The following NCKAP5 variants were observed in gnomAD, a reference collection of about 807,000 sequenced individuals.
NCKAP5 encodes nck-associated protein 5.
NCKAP5 carries 92 observed loss-of-function variants against 167.0 expected under a neutral mutation model. The observed-to-expected ratio is 0.55, with a 90% CI of 0.47 to 0.66. The LOEUF (loss-of-function observed/expected upper bound fraction) is 0.66. Ranked by LOEUF, NCKAP5 falls within the 30% of genes least tolerant of loss-of-function variation. The probability of loss-of-function intolerance (pLI) is 0.00; values close to 1 mark genes in which losing one functional copy is unlikely to be tolerated. For missense variants in NCKAP5, 2,378 were observed against 2,315.0 expected (o/e 1.03, Z -0.56); for synonymous variants, 891 against 877.4 (o/e 1.02, Z -0.27).
chr2:132,994,070 T>A, intron 7 of NCKAP5, 82 bp downstream of exon 7: 1 of 999,190 alleles, frequency 1.0e-6, no homozygotes, highest in Non-Finnish European at 1.4e-6. Flanking sequence ...TATTTATCTC[T>A]GGGTTAGAGA....
At chr2:133,520,998 G>A (rs1052270735) in intron 2 of NCKAP5, among the ~76,000 whole-genome samples, 39 of 152,256 alleles carry the variant, frequency 2.6e-4, no homozygotes, top group African/African-American at 9.1e-4. Flanking sequence ...ATCATGGAAA[G>A]GTTCAGAGTA....
intron 3 of NCKAP5, among the ~76,000 whole-genome samples, chr2:133,353,492 G>C (rs902419735): frequency 3.3e-5 from 5 of 152,130 alleles, no homozygotes; most frequent in African/African-American, 1.2e-4. Context: ...AGGAGACAGG[G>C]AAATGCTGGG....
chr2:133,282,553 A>G (rs2089969822), intron 4 of NCKAP5, among the ~76,000 whole-genome samples: 1 of 152,226 alleles, frequency 6.6e-6, no homozygotes, highest in African/African-American at 2.4e-5. Context: ...GGACTTTTGT[A>G]ATATGAAGGC....
chr2:132,680,126 G>A (rs1363189988), intron 19 of NCKAP5, among the ~76,000 whole-genome samples: 1 of 152,042 alleles, frequency 6.6e-6, no homozygotes, highest in African/African-American at 2.4e-5. Flanking sequence ...TGTTAACCTG[G>A]TCAAATTTCA....
At chr2:132,881,404 A>G (rs907012205) in intron 8 of NCKAP5, among the ~76,000 whole-genome samples, 2 of 151,958 alleles carry the variant, frequency 1.3e-5, no homozygotes, top group African/African-American at 4.8e-5. Context: ...TGAACTCCTG[A>G]TCTCAGGTGA....
At chr2:132,979,836 C>CAT (rs1257471876) in intron 7 of NCKAP5, among the ~76,000 whole-genome samples, 1 of 152,184 alleles carries the variant, frequency 6.6e-6, no homozygotes, top group Admixed American at 6.5e-5. Flanking sequence ...ATGCAGAATG[C>CAT]ATAGGCTGGC....
chr2:132,931,129 G>C (rs987075953), intron 8 of NCKAP5: 1 of 152,182 alleles, frequency 6.6e-6, no homozygotes, highest in African/African-American at 2.4e-5. Context: ...TAGTGTGCTA[G>C]CCTGTGACAG....
intron 1 of NCKAP5, among the ~76,000 whole-genome samples, chr2:133,559,500 T>A (rs568520864): frequency 7.8e-4 from 119 of 152,306 alleles, no homozygotes; most frequent in Non-Finnish European, 1.5e-3. Context: ...TTAAAATTGT[T>A]TTTTTAGAGA....
At position 133,099,684 on chromosome 2, in the gene NCKAP5, C is replaced by G. The variant is rs143548735; in HGVS notation, c.341+30294G>C. ...TATTCTCAAAAAAACCCTTTTCAGGCTTCCAGAATTCTGGTAGTCTTCATC... is the reference window on the plus strand; with the variant it reads ...TATTCTCAAAAAAACCCTTTTCAGGGTTCCAGAATTCTGGTAGTCTTCATC... On this transcript the variant is annotated intron_variant, in intron 6 of 19. Coordinates refer to ENST00000409261, the MANE Select transcript of NCKAP5 (RefSeq NM_207363.3). Among the ~76,000 whole-genome samples, 244 of 152,310 alleles carry G rather than the reference C, an allele frequency of 1.6e-3. 1 individual carries two copies. The highest frequency in any genetic ancestry group is 6.8e-3 in the Middle Eastern group (2 of 292).
At chr2:133,594,409 C>T in the NCKAP5 span, among the ~76,000 whole-genome samples, 1 of 152,210 alleles carries the variant, frequency 6.6e-6, no homozygotes, top group African/African-American at 2.4e-5. Context: ...CATGAGGATA[C>T]ACAGCCCATC....
the NCKAP5 span, among the ~76,000 whole-genome samples, chr2:133,589,691 A>G: frequency 1.3e-5 from 2 of 152,246 alleles, no homozygotes; most frequent in Non-Finnish European, 2.9e-5. Flanking sequence ...CCAGATGGCC[A>G]GAGCCCCTTT....
chr2:133,401,894 C>A (rs1338124994), intron 3 of NCKAP5, among the ~76,000 whole-genome samples: 1 of 152,064 alleles, frequency 6.6e-6, no homozygotes, highest in African/African-American at 2.4e-5. Context: ...CCAAACTTAT[C>A]TTTTTCTAAA....
At chr2:133,471,334 A>G (rs1476062915) in intron 3 of NCKAP5, among the ~76,000 whole-genome samples, 3 of 151,706 alleles carry the variant, frequency 2.0e-5, no homozygotes, top group Non-Finnish European at 4.4e-5. Context: ...ATTTTATAAA[A>G]CCTTAAAATT....
At chr2:133,661,062 C>G in the NCKAP5 span, among the ~76,000 whole-genome samples, 1 of 151,722 alleles carries the variant, frequency 6.6e-6, no homozygotes, top group Non-Finnish European at 1.5e-5. Flanking sequence ...ACACTCATGA[C>G]CAGCAGTGTT....
At chr2:133,021,081 A>T (rs1377801960) in intron 6 of NCKAP5, among the ~76,000 whole-genome samples, 2 of 152,236 alleles carry the variant, frequency 1.3e-5, no homozygotes, top group Non-Finnish European at 2.9e-5. Flanking sequence ...TGAAAACTGT[A>T]GACTGGCCTT....
the NCKAP5 span, among the ~76,000 whole-genome samples, chr2:133,604,708 A>T: frequency 6.6e-6 from 1 of 152,076 alleles, no homozygotes; most frequent in Admixed American, 6.5e-5. Flanking sequence ...CTCTCTCTGC[A>T]AGATGGGCTG....
At chr2:132,713,486 AT>A (rs560347349) in intron 19 of NCKAP5, among the ~76,000 whole-genome samples, 1 of 152,220 alleles carries the variant, frequency 6.6e-6, no homozygotes, top group Non-Finnish European at 1.5e-5. Flanking sequence ...CAAGATGGGT[AT>A]TTAGGTCCTT....
At chr2:133,252,420 C>A (rs2088393336) in intron 4 of NCKAP5, among the ~76,000 whole-genome samples, 1 of 152,148 alleles carries the variant, frequency 6.6e-6, no homozygotes, top group African/African-American at 2.4e-5. Flanking sequence ...CTAGTCACAG[C>A]CAAGTAGAAA....
chr2:132,964,776 C>G (rs56847918), intron 7 of NCKAP5, among the ~76,000 whole-genome samples: 1 of 151,894 alleles, frequency 6.6e-6, no homozygotes, highest in African/African-American at 2.4e-5. Context: ...TAAAAGACTT[C>G]TCTATATTTT....
Sources: gnomAD v4.1 joint callset for allele counts (sites outside exome capture counted in the v4.1 genomes callset) on GRCh38, gnomAD v4.1.1 for gene constraint, MANE v1.5 for transcripts, NCBI Gene and HGNC (gene_info 2026-07-23, HGNC 2026-07-21) for gene names.